Variants in L3MBTL3 observed in about 807,000 individuals in gnomAD.
L3MBTL3 encodes the protein L3MBTL histone methyl-lysine binding protein 3, also known as lethal(3)malignant brain tumor-like protein 3.
L3MBTL3 carries 27 observed loss-of-function variants against 102.3 expected under a neutral mutation model. That is an observed-to-expected ratio of 0.26 (90% confidence interval 0.19 to 0.36). L3MBTL3 has a LOEUF of 0.36. Among genes scored for constraint, L3MBTL3 ranks in the 10% least tolerant of loss-of-function variants. L3MBTL3 has a pLI of 1.00. For synonymous variants in L3MBTL3, 340 were observed against 320.9 expected (o/e 1.06, Z -0.64); for missense variants, 798 against 955.3 (o/e 0.84, Z 2.17).
intron 20 of L3MBTL3, among the ~76,000 whole-genome samples, chr6:130,130,404 T>G (rs923602160): frequency 3.3e-5 from 5 of 152,170 alleles, no homozygotes; most frequent in Non-Finnish European, 7.4e-5. Context: ...AGGATACAAA[T>G]TATAAAGTCA....
chr6:130,029,075 A>C (rs1199120162), intron 2 of L3MBTL3, among the ~76,000 whole-genome samples: 1 of 152,162 alleles, frequency 6.6e-6, no homozygotes, highest in Non-Finnish European at 1.5e-5. Flanking sequence ...ATAGATATTC[A>C]TAAGAGATAA....
chr6:130,033,618 G>C lies in L3MBTL3; in HGVS notation c.-15-9067G>C, dbSNP rs1000338987. 1.3e-5 allele frequency among the ~76,000 whole-genome samples: 2 copies of C among 152,154 alleles called. 1 individual carries two copies. Among genetic ancestry groups the C allele is most frequent in the South Asian group, 4.1e-4 (2 of 4,822 alleles). On this transcript the variant is annotated intron_variant, in intron 2 of 22. Transcript: ENST00000361794. ...CAAGTTTAGTTCCTTGACACCAGGC[G>C]CTGATCTCAGGCCTGTTATCTGAAT...
intron 19 of L3MBTL3, among the ~76,000 whole-genome samples, chr6:130,113,051 C>T (rs1785452182): frequency 6.6e-6 from 1 of 152,102 alleles, no homozygotes; most frequent in Non-Finnish European, 1.5e-5. Flanking sequence ...TTCCTGGGGA[C>T]TGATAACTTA....
chr6:130,131,333 A>G (rs1238990965), intron 20 of L3MBTL3, among the ~76,000 whole-genome samples: 2 of 152,186 alleles, frequency 1.3e-5, no homozygotes, highest in Non-Finnish European at 2.9e-5. Context: ...AAAAAGATAG[A>G]CAATACCAAG....
intron 11 of L3MBTL3, among the ~76,000 whole-genome samples, chr6:130,067,673 T>C (rs1782352475): frequency 6.6e-6 from 1 of 152,166 alleles, no homozygotes; most frequent in Admixed American, 6.5e-5. Flanking sequence ...TTATATATGG[T>C]AAATTATTAG....
rs751681785 is a variant in L3MBTL3, at chr6:130,139,780, C to T, written c.*27C>T. 2.2e-5 allele frequency: 36 copies of T among 1,605,566 alleles called. No individual in the cohort carries two copies. Among genetic ancestry groups the T allele is most frequent in the Admixed American group, 2.0e-4 (12 of 59,898 alleles). ...GATGGTGAATTCTGAATACCATCAGCATTCTGCTTTAAAGCTCATGTTTTA... is the reference window on the plus strand; with the variant it reads ...GATGGTGAATTCTGAATACCATCAGTATTCTGCTTTAAAGCTCATGTTTTA... On this transcript the variant is annotated 3_prime_UTR_variant, in exon 23 of 23. Coordinates refer to ENST00000361794, the MANE Select transcript of L3MBTL3 (RefSeq NM_032438.4).
intron 15 of L3MBTL3, among the ~76,000 whole-genome samples, chr6:130,084,781 G>T (rs1182645635): frequency 6.6e-6 from 1 of 152,174 alleles, no homozygotes; most frequent in African/African-American, 2.4e-5. Flanking sequence ...TAGGTGTCTT[G>T]CATTGACTGC....
intron 12 of L3MBTL3, among the ~76,000 whole-genome samples, chr6:130,070,515 C>T (rs979499360): frequency 3.3e-5 from 5 of 152,048 alleles, no homozygotes; most frequent in African/African-American, 1.2e-4. Flanking sequence ...GAGATATTTT[C>T]GGAAGTGGGA....
In L3MBTL3 at chr6:130,076,374, G is replaced by A. The variant is rs115157283; in HGVS notation, c.1245-2184G>A. ...GAATCCCTTTCTTTTCTACCCGAGT[G>A]CTTGGTGAAATCACTTAACCTCTTT... On this transcript the variant is annotated intron_variant, in intron 13 of 22. Coordinates refer to ENST00000361794, the MANE Select transcript of L3MBTL3 (RefSeq NM_032438.4). Among the ~76,000 whole-genome samples the A allele has an allele frequency of 5.7e-3, 869 of 152,228 alleles. 9 individuals are homozygous for A. The highest frequency in any genetic ancestry group is 0.019 in the African/African-American group (771 of 41,546).
At chr6:130,095,014 C>G (rs1233104647) in intron 18 of L3MBTL3, among the ~76,000 whole-genome samples, 1 of 152,074 alleles carries the variant, frequency 6.6e-6, no homozygotes, top group Non-Finnish European at 1.5e-5. Flanking sequence ...CGAGATCAGC[C>G]TGGACAACAT....
intron 2 of L3MBTL3, among the ~76,000 whole-genome samples, chr6:130,023,834 TA>T (rs759374198): frequency 1.5e-3 from 226 of 152,314 alleles, no homozygotes; most frequent in African/African-American, 5.1e-3. Context: ...CTGATGTGTG[TA>T]TTGTATGGAC....
At chr6:130,042,903 A>C in intron 3 of L3MBTL3, 102 bp downstream of exon 3, 1 of 765,330 alleles carries the variant, frequency 1.3e-6, no homozygotes, top group South Asian at 1.8e-5. Context: ...AGCATTAATC[A>C]TAGTGGTGTA....
intron 14 of L3MBTL3, among the ~76,000 whole-genome samples, chr6:130,081,061 A>G (rs1783309130): frequency 6.6e-6 from 1 of 152,234 alleles, no homozygotes; most frequent in African/African-American, 2.4e-5. Flanking sequence ...CCTCTAGGCC[A>G]CCACCACGTT....
intron 19 of L3MBTL3, among the ~76,000 whole-genome samples, chr6:130,113,258 G>C (rs1394903307): frequency 6.6e-6 from 1 of 152,148 alleles, no homozygotes; most frequent in East Asian, 1.9e-4. Flanking sequence ...GAAGGCACAG[G>C]AATCTTCATT....
At chr6:130,132,514 TG>T (rs2114418426) in intron 20 of L3MBTL3, among the ~76,000 whole-genome samples, 1 of 152,314 alleles carries the variant, frequency 6.6e-6, no homozygotes, top group South Asian at 2.1e-4. Context: ...AGAATTGAGG[TG>T]TCCTTGTAAC....
intron 22 of L3MBTL3, among the ~76,000 whole-genome samples, chr6:130,138,932 C>T (rs1788005405): frequency 6.6e-6 from 1 of 152,130 alleles, no homozygotes; most frequent in Non-Finnish European, 1.5e-5. Flanking sequence ...TTTTCAGAAG[C>T]ATAGACTTTT....
intron 2 of L3MBTL3, 56 bp from the exon 3 acceptor site, chr6:130,042,629 T>G: frequency 4.7e-6 from 5 of 1,060,992 alleles, no homozygotes; most frequent in Non-Finnish European, 7.3e-6. Flanking sequence ...AGTACTAAAT[T>G]AAAAACAGAT....
chr6:130,033,070 G>A (rs1779828549), intron 2 of L3MBTL3, among the ~76,000 whole-genome samples: 1 of 152,194 alleles, frequency 6.6e-6, no homozygotes, highest in Non-Finnish European at 1.5e-5. Context: ...AAAGTGATAC[G>A]AAGAGGAGGA....
At chr6:130,132,179 G>A (rs1787122076) in intron 20 of L3MBTL3, among the ~76,000 whole-genome samples, 1 of 152,124 alleles carries the variant, frequency 6.6e-6, no homozygotes, top group Non-Finnish European at 1.5e-5. Flanking sequence ...AACCATACAA[G>A]AAAGAGAAGG....
Sources: allele counts gnomAD v4.1 joint callset (sites outside exome capture counted in the v4.1 genomes callset), GRCh38; gene constraint gnomAD v4.1.1; transcripts MANE v1.5; gene names NCBI Gene and HGNC (gene_info 2026-07-23, HGNC 2026-07-21).